BCOR: variants seen among roughly 807,000 people sequenced by gnomAD.
BCOR encodes BCL6 corepressor.
A neutral mutation model predicts 86.7 loss-of-function variants in BCOR; 10 were observed. The ratio of observed to expected loss-of-function variants is 0.12; its 90% CI spans 0.07 to 0.20. The LOEUF (loss-of-function observed/expected upper bound fraction) is 0.20. Among genes scored for constraint, BCOR ranks in the 10% least tolerant of loss-of-function variants. The pLI, the probability that BCOR is intolerant of heterozygous loss-of-function variation, is 1.00. For synonymous variants in BCOR, 611 were observed against 609.0 expected (o/e 1.00, Z -0.05); for missense variants, 1,259 against 1,452.1 (o/e 0.87, Z 2.16).
At chrX:40,062,428 C>T (rs890065638) in intron 9 of BCOR, 35 bp from the exon 10 acceptor site, 14 of 1,186,738 alleles carry the variant, frequency 1.2e-5, no homozygotes, top group Non-Finnish European at 1.5e-5. Flanking sequence ...ACGGTTAAGC[C>T]CGTGTCCTTC....
intron 1 of BCOR, among the ~76,000 whole-genome samples, chrX:40,167,748 CCA>C (rs1221778038): frequency 2.7e-5 from 3 of 112,169 alleles, no homozygotes; most frequent in East Asian, 2.8e-4. Flanking sequence ...ACACACACAC[CCA>C]CACAGATAAT....
Position 40,071,205 on chromosome X carries a change from C to T in BCOR, c.3052-46G>A, listed in dbSNP as rs746007217. The T allele has an allele frequency of 5.4e-6, 6 of 1,120,622 alleles. No individual in the cohort carries two copies. The South Asian group carries it at 1.2e-4, about 22-fold the overall frequency. 92.4% of individuals were successfully genotyped at this position (1,120,622 alleles called of 1,213,427 possible). A position where few individuals can be genotyped will look rare whatever the true frequency, so the allele number is the denominator to read the frequency against. ...GAAAAAAAAAAAAACAACACCTTAC[C>T]ATAAAAGCTATTTCATTTGCCTTAT... On this transcript the variant is annotated intron_variant, in intron 5 of 14. Transcript: ENST00000378444.
chrX:40,076,957 T>C, intron 2 of BCOR: 1 of 317,445 alleles, frequency 3.2e-6, no homozygotes, highest in Non-Finnish European at 6.0e-6. Context: ...AGGCTGGTCG[T>C]GTCATCAACC....
At chrX:40,147,781 T>G (rs1219968466) in intron 1 of BCOR, among the ~76,000 whole-genome samples, 1 of 113,161 alleles carries the variant, frequency 8.8e-6, no homozygotes, top group African/African-American at 3.2e-5. Flanking sequence ...AGGCCCAGCC[T>G]GGCATAGCCC....
intron 1 of BCOR, among the ~76,000 whole-genome samples, chrX:40,158,258 G>T (rs1938338142): frequency 8.9e-6 from 1 of 112,520 alleles, no homozygotes; most frequent in Non-Finnish European, 1.9e-5. Flanking sequence ...CGCGCCCTGG[G>T]ACAGCGCGCG....
chrX:40,115,333 C>T (rs1473990212), intron 1 of BCOR, among the ~76,000 whole-genome samples: 1 of 112,326 alleles, frequency 8.9e-6, no homozygotes, highest in Admixed American at 9.4e-5. Context: ...CCCATCCTGG[C>T]AACTCGCCAA....
At chrX:40,155,043 T>G (rs1602271383) in intron 1 of BCOR, among the ~76,000 whole-genome samples, 3 of 94,699 alleles carry the variant, frequency 3.2e-5, no homozygotes, top group South Asian at 5.5e-4. Context: ...CGCCCGGGGC[T>G]GGGGGAGTAG....
chrX:40,130,677 G>A (rs1937593376), intron 1 of BCOR, among the ~76,000 whole-genome samples: 1 of 112,105 alleles, frequency 8.9e-6, no homozygotes, highest in South Asian at 3.7e-4. Flanking sequence ...CAGGTTCCTC[G>A]GAGTGCTAAA....
chrX:40,076,365 C>T (rs1602161440), intron 3 of BCOR, 89 bp downstream of exon 3: 2 of 787,953 alleles, frequency 2.5e-6, no homozygotes, highest in Non-Finnish European at 1.9e-6. Context: ...CCCCCATTCC[C>T]CACCCTTTAA....
Position 40,064,528 on chromosome X carries a change from T to A in BCOR, c.3310A>T (p.Lys1104Ter). The A allele has an allele frequency of 4.1e-6, 5 of 1,211,724 alleles. No individual in the cohort carries two copies. The highest frequency in any genetic ancestry group is 5.6e-6 in the Non-Finnish European group (5 of 895,438). Reference protein sequence around the residue: ...APEDKDLPVEKYFVERQPVSE... With the variant: ...APEDKDLPVE ...ACAGGCTGCCTCTCCACAAAGTACT[T>A]CTCCACAGGAAGATCTTTGTCCTCT... The change falls in exon 7 of 15, where the codon AAG (lysine) becomes TAG (stop). Residue 1104 changes from lysine to a stop codon, truncating the protein, a stop_gained. Coordinates refer to ENST00000378444, the MANE Select transcript of BCOR (RefSeq NM_001123385.2). LOFTEE classifies it high-confidence loss of function.
intron 1 of BCOR, among the ~76,000 whole-genome samples, chrX:40,117,427 A>G (rs1340596953): frequency 1.8e-5 from 2 of 112,009 alleles, no homozygotes; most frequent in Admixed American, 1.9e-4. Context: ...CATACGGTCT[A>G]TTCCTCATTT....
At chrX:40,148,980 T>C (rs944924205) in intron 1 of BCOR, among the ~76,000 whole-genome samples, 1 of 110,804 alleles carries the variant, frequency 9.0e-6, no homozygotes, top group Non-Finnish European at 1.9e-5. Flanking sequence ...GTTAGGGAAG[T>C]CCAGGAAGGA....
At chrX:40,139,988 T>C (rs1937883297) in intron 1 of BCOR, among the ~76,000 whole-genome samples, 1 of 109,993 alleles carries the variant, frequency 9.1e-6, no homozygotes, top group South Asian at 3.9e-4. Context: ...ACCCATAACA[T>C]CTGCCATGAA....
rs1443609977 is a variant in BCOR at position 40,139,483 on chromosome X, ATATATATATATATAT to A, written c.-41+37509_-41+37523del. 4.7e-4 allele frequency among the ~76,000 whole-genome samples: 7 copies of A among 14,831 alleles called. 3 individuals carry two copies. Among genetic ancestry groups the A allele is most frequent in the African/African-American group, 4.5e-3 (7 of 1,561 alleles). The allele number at this position is 14,831 out of a possible 115,157, so 12.9% of individuals were successfully genotyped here. ...TATATATATATATATATATATATAT[ATATATATATATATAT>A]TTTTTTTTTTTTTTAAGCATCAGCC... is the stretch of plus-strand genomic sequence containing the variant. On this transcript the variant is annotated intron_variant, in intron 1 of 14. Coordinates refer to the BCOR transcript ENST00000342274.
intron 1 of BCOR, among the ~76,000 whole-genome samples, chrX:40,167,955 T>C (rs916842578): frequency 1.8e-5 from 2 of 112,806 alleles, no homozygotes; most frequent in Non-Finnish European, 3.8e-5. Context: ...GAACTCTTTC[T>C]CCTGGGAAGC....
intron 1 of BCOR, among the ~76,000 whole-genome samples, chrX:40,080,236 G>C (rs1269472933): frequency 9.3e-6 from 1 of 107,613 alleles, no homozygotes; most frequent in African/African-American, 3.6e-5. Context: ...GAAGTCGGGA[G>C]TTTGAGACCA....
chrX:40,107,270 G>A (rs1937208215), intron 1 of BCOR, among the ~76,000 whole-genome samples: 1 of 111,679 alleles, frequency 9.0e-6, no homozygotes, highest in South Asian at 3.7e-4. Context: ...AGGCTGGATC[G>A]TACTCTCCTG....
intron 1 of BCOR, among the ~76,000 whole-genome samples, chrX:40,170,348 G>T (rs1056122077): frequency 9.2e-6 from 1 of 108,497 alleles, no homozygotes; most frequent in Non-Finnish European, 1.9e-5. Flanking sequence ...GTTTTGTTTT[G>T]GTTTTGGTTT....
chrX:40,085,897 C>T lies in BCOR; in HGVS notation c.-40-7928G>A, dbSNP rs746629308. Among the ~76,000 whole-genome samples the T allele has an allele frequency of 3.6e-5, 4 of 111,787 alleles. No homozygotes were observed. In the South Asian group the frequency reaches 1.5e-3, roughly 42 times the overall value. ...ACTGCCACCACCAACTGCTCTCCCT[C>T]CCACCCTGGCGCCTCTCTGCAGGGC... On this transcript the variant is annotated intron_variant, in intron 1 of 14. Transcript: ENST00000378444.
Sources: allele counts gnomAD v4.1 joint callset (sites outside exome capture counted in the v4.1 genomes callset), GRCh38; gene constraint gnomAD v4.1.1; transcripts MANE v1.5; gene names NCBI Gene and HGNC (gene_info 2026-07-23, HGNC 2026-07-21).